The following FUT9 variants were observed in gnomAD, a reference collection of about 807,000 sequenced individuals.
FUT9 encodes 4-galactosyl-N-acetylglucosaminide 3-alpha-L-fucosyltransferase 9.
FUT9 carries 15 observed loss-of-function variants against 29.7 expected under a neutral mutation model. The observed-to-expected ratio is 0.51, with a 90% CI of 0.34 to 0.78. The LOEUF (loss-of-function observed/expected upper bound fraction) is 0.78, where lower values mean the gene tolerates loss of function less well. FUT9 is among the 30% of genes least tolerant of loss of function. The pLI, the probability that FUT9 is intolerant of heterozygous loss-of-function variation, is 0.01. For missense variants in FUT9, 319 were observed against 425.4 expected (o/e 0.75, Z 2.20); for synonymous variants, 169 against 153.7 (o/e 1.10, Z -0.74).
At position 96,094,866 on chromosome 6, in the gene FUT9, GT is replaced by G. The variant is rs1304335604; in HGVS notation, c.-97-19168del. On this transcript the variant is annotated intron_variant, in intron 1 of 2. Coordinates refer to ENST00000302103, the MANE Select transcript of FUT9 (RefSeq NM_006581.4). The stretch of plus-strand genomic sequence containing the variant: ...GTCATTGTTGTTGTTATTTCAATAG[GT>G]TTTTGGGGAACAGGTGGTGTTTGGT... Among the ~76,000 whole-genome samples the G allele has an allele frequency of 7.9e-5, 12 of 152,074 alleles. No homozygotes were observed. In the South Asian group the frequency reaches 2.1e-3, roughly 26 times the overall value.
At chr6:96,154,366 T>C (rs568683890) in intron 2 of FUT9, among the ~76,000 whole-genome samples, 1 of 152,344 alleles carries the variant, frequency 6.6e-6, no homozygotes, top group South Asian at 2.1e-4. Context: ...AAAATTATGA[T>C]TTTTCTTAGA....
chr6:96,107,238 C>A (rs1771707383), intron 1 of FUT9, among the ~76,000 whole-genome samples: 1 of 152,078 alleles, frequency 6.6e-6, no homozygotes, highest in Non-Finnish European at 1.5e-5. Flanking sequence ...ATTTTCTAAC[C>A]CCCAGCATAA....
At chr6:96,202,840 T>C (rs1468689029) in intron 2 of FUT9, among the ~76,000 whole-genome samples, 4 of 152,144 alleles carry the variant, frequency 2.6e-5, no homozygotes, top group African/African-American at 9.7e-5. Context: ...ACAGTCTAGG[T>C]TGTGCCACTT....
At chr6:96,196,417 T>C (rs1773625417) in intron 2 of FUT9, among the ~76,000 whole-genome samples, 1 of 151,960 alleles carries the variant, frequency 6.6e-6, no homozygotes. Flanking sequence ...GACCTAATAA[T>C]AATAAACAAA....
At chr6:96,070,250 C>T (rs1239084514) in intron 1 of FUT9, among the ~76,000 whole-genome samples, 1 of 151,934 alleles carries the variant, frequency 6.6e-6, no homozygotes, top group Non-Finnish European at 1.5e-5. Flanking sequence ...TTCTGTGAAG[C>T]TATTTGAACA....
chr6:96,146,170 G>A (rs1202674996), intron 2 of FUT9, among the ~76,000 whole-genome samples: 1 of 152,152 alleles, frequency 6.6e-6, no homozygotes, highest in Admixed American at 6.5e-5. Context: ...ATGGGAAGGA[G>A]TGGTAGCACT....
Position 96,209,989 on chromosome 6 carries a change from A to G in FUT9, c.*5754A>G, listed in dbSNP as rs1172966311. 2 of 166,892 alleles carry G rather than the reference A, an allele frequency of 1.2e-5. No individual in the cohort carries two copies. Among genetic ancestry groups the G allele is most frequent in the African/African-American group, 2.4e-5 (1 of 41,436 alleles). The allele number at this position is 166,892 out of a possible 1,614,324, so 10.3% of individuals were successfully genotyped here. On this transcript the variant is annotated 3_prime_UTR_variant, in exon 3 of 3. Coordinates refer to ENST00000302103, the MANE Select transcript of FUT9 (RefSeq NM_006581.4). Reference sequence around the variant, plus strand: ...TGTCCTAAACTAGCAGTTCTCAAACATGCATATGCCTTTGAAACTTCCTAG... The same window carrying G: ...TGTCCTAAACTAGCAGTTCTCAAACGTGCATATGCCTTTGAAACTTCCTAG...
intron 2 of FUT9, among the ~76,000 whole-genome samples, chr6:96,124,300 T>C (rs572074052): frequency 1.6e-4 from 24 of 151,492 alleles, no homozygotes; most frequent in East Asian, 7.9e-4. Flanking sequence ...TAAAGGCGCC[T>C]GCCACCACGA....
At chr6:96,167,885 A>C (rs1562149714) in intron 2 of FUT9, among the ~76,000 whole-genome samples, 1 of 152,152 alleles carries the variant, frequency 6.6e-6, no homozygotes, top group Non-Finnish European at 1.5e-5. Flanking sequence ...GCCATAAACG[A>C]GTGGCCAGGG....
intron 2 of FUT9, among the ~76,000 whole-genome samples, chr6:96,129,210 A>G (rs1228270828): frequency 1.4e-5 from 2 of 145,922 alleles, no homozygotes; most frequent in Non-Finnish European, 3.0e-5. Context: ...GCTTGCAGTG[A>G]GCCGAGATCA....
At chr6:96,145,234 A>T (rs1270422443) in intron 2 of FUT9, among the ~76,000 whole-genome samples, 1 of 151,840 alleles carries the variant, frequency 6.6e-6, no homozygotes, top group Non-Finnish European at 1.5e-5. Flanking sequence ...ATTTTTTTGT[A>T]TTTTTAGTAG....
intron 2 of FUT9, among the ~76,000 whole-genome samples, chr6:96,133,899 A>G (rs958302970): frequency 6.6e-6 from 1 of 151,882 alleles, no homozygotes. Context: ...GAATAAGGAT[A>G]GTTTCACTTT....
chr6:96,101,745 T>C (rs748922162), intron 1 of FUT9, among the ~76,000 whole-genome samples: 5 of 151,378 alleles, frequency 3.3e-5, no homozygotes, highest in Admixed American at 6.6e-5. Context: ...CCTTGACCTC[T>C]TGGGCTCCAG....
At chr6:96,097,508 C>A (rs956768113) in intron 1 of FUT9, among the ~76,000 whole-genome samples, 13 of 152,110 alleles carry the variant, frequency 8.5e-5, no homozygotes. Flanking sequence ...TGAATGAATT[C>A]ATGAGTAAAA....
At chr6:96,174,058 G>A (rs1286903460) in intron 2 of FUT9, among the ~76,000 whole-genome samples, 1 of 152,040 alleles carries the variant, frequency 6.6e-6, no homozygotes, top group African/African-American at 2.4e-5. Flanking sequence ...TGCTCCAGTG[G>A]TTGAGACAGG....
chr6:96,178,550 G>A (rs774166072), intron 2 of FUT9, among the ~76,000 whole-genome samples: 9 of 151,888 alleles, frequency 5.9e-5, no homozygotes, highest in South Asian at 2.1e-4. Flanking sequence ...TATTGTCCTC[G>A]GCTCAAATGC....
chr6:96,022,953 G>A (rs935790462), intron 1 of FUT9, among the ~76,000 whole-genome samples: 5 of 151,720 alleles, frequency 3.3e-5, no homozygotes, highest in African/African-American at 1.2e-4. Flanking sequence ...GTTTTCCTGG[G>A]GCTCCAATTA....
At chr6:96,142,032 C>T (rs1252774865) in intron 2 of FUT9, among the ~76,000 whole-genome samples, 1 of 152,148 alleles carries the variant, frequency 6.6e-6, no homozygotes, top group African/African-American at 2.4e-5. Flanking sequence ...ATTTTAATGG[C>T]AGTATCAGGA....
Position 96,111,685 on chromosome 6 carries a change from C to T in FUT9, c.-97-2354C>T, listed in dbSNP as rs370191908. Among the ~76,000 whole-genome samples the T allele has an allele frequency of 1.9e-3, 295 of 152,162 alleles. 1 individual carries two copies. Among genetic ancestry groups the T allele is most frequent in the Middle Eastern group, 0.01 (3 of 294 alleles). On this transcript the variant is annotated intron_variant, in intron 1 of 2. Transcript: ENST00000302103. ...AATTCTAAATCCTTGATTTTTCTGACTTCTCAGCCAAGGTCTTTTTGAAAG... is the reference window on the plus strand; with the variant it reads ...AATTCTAAATCCTTGATTTTTCTGATTTCTCAGCCAAGGTCTTTTTGAAAG...
Sources: allele counts gnomAD v4.1 joint callset (sites outside exome capture counted in the v4.1 genomes callset), GRCh38; gene constraint gnomAD v4.1.1; transcripts MANE v1.5; gene names NCBI Gene and HGNC (gene_info 2026-07-23, HGNC 2026-07-21).